LRMDA: variants seen among roughly 807,000 people sequenced by gnomAD.
LRMDA encodes leucine rich melanocyte differentiation associated.
LRMDA carries 18 observed loss-of-function variants against 29.8 expected under a neutral mutation model. The observed-to-expected ratio is 0.60, with a 90% CI of 0.42 to 0.90. LRMDA has a LOEUF of 0.90. Ranked by LOEUF, LRMDA falls within the 40% of genes least tolerant of loss-of-function variation. LRMDA has a pLI of 0.00. For missense variants in LRMDA, 273 were observed against 273.9 expected, an observed-to-expected ratio of 1.00 and a Z score of 0.02; for synonymous variants, 125 against 109.4, an observed-to-expected ratio of 1.14 and a Z score of -0.89.
intron 2 of LRMDA, among the ~76,000 whole-genome samples, chr10:75,531,575 G>T (rs901131130): frequency 6.6e-6 from 1 of 152,198 alleles, no homozygotes; most frequent in Non-Finnish European, 1.5e-5. Flanking sequence ...AAGCCTGGTT[G>T]TAAGTGCCAC....
intron 2 of LRMDA, among the ~76,000 whole-genome samples, chr10:75,969,121 TG>T (rs1184528709): frequency 6.6e-6 from 1 of 152,184 alleles, no homozygotes; most frequent in Admixed American, 6.5e-5. Context: ...CTTTTCTCTT[TG>T]CCTCTTGGGT....
chr10:75,494,205 A>G (rs1392343327), intron 2 of LRMDA, among the ~76,000 whole-genome samples: 2 of 152,146 alleles, frequency 1.3e-5, no homozygotes, highest in African/African-American at 2.4e-5. Context: ...GAACAGGTGA[A>G]TTTGCTTGAA....
chr10:76,462,074 A>C (rs948633738), intron 6 of LRMDA, among the ~76,000 whole-genome samples: 7 of 78,270 alleles, frequency 8.9e-5, no homozygotes, highest in African/African-American at 2.4e-4. Flanking sequence ...AAAAAAAAAA[A>C]AACCACACAC....
At chr10:75,762,188 G>A (rs12260072) in intron 2 of LRMDA, among the ~76,000 whole-genome samples, 5,781 of 152,158 alleles carry the variant, frequency 0.038, 277 homozygotes, top group African/African-American at 0.11. Flanking sequence ...AGTAACAAGC[G>A]GATTAGGCAT....
chr10:76,316,558 C>T (rs985984152), intron 5 of LRMDA, among the ~76,000 whole-genome samples: 33 of 152,324 alleles, frequency 2.2e-4, no homozygotes, highest in African/African-American at 7.9e-4. Context: ...AAAGGCGCCA[C>T]GGGCCACAGA....
intron 2 of LRMDA, among the ~76,000 whole-genome samples, chr10:75,732,164 G>A (rs954950895): frequency 5.9e-5 from 9 of 152,138 alleles, no homozygotes; most frequent in Non-Finnish European, 1.0e-4. Flanking sequence ...TGCATCAGGG[G>A]GATTTGCTGA....
chr10:76,040,779 G>C (rs1848327643), intron 3 of LRMDA, among the ~76,000 whole-genome samples: 1 of 151,892 alleles, frequency 6.6e-6, no homozygotes, highest in African/African-American at 2.4e-5. Flanking sequence ...CTTTTGGGGT[G>C]TGTGGGGGGC....
chr10:76,503,289 G>T lies in LRMDA; in HGVS notation c.602-53920G>T, dbSNP rs78336290. ...TAACTTTTTAATGTTGATTCACCAA[G>T]ATCAAGTAGAATTTATTCTGGAGCC... On this transcript the variant is annotated intron_variant, in intron 6 of 6. Transcript: ENST00000611255. Among the ~76,000 whole-genome samples the T allele has an allele frequency of 4.2e-3, 633 of 151,676 alleles. 8 individuals are homozygous for T. The highest frequency in any genetic ancestry group is 0.015 in the African/African-American group (614 of 41,474).
intron 4 of LRMDA, among the ~76,000 whole-genome samples, chr10:76,055,499 T>C (rs1252366939): frequency 6.6e-6 from 1 of 152,208 alleles, no homozygotes; most frequent in Non-Finnish European, 1.5e-5. Flanking sequence ...CTGTGACTGG[T>C]GGTTCCTTTG....
At chr10:76,052,588 C>G (rs937560429) in intron 4 of LRMDA, among the ~76,000 whole-genome samples, 2 of 152,184 alleles carry the variant, frequency 1.3e-5, no homozygotes, top group African/African-American at 4.8e-5. Context: ...GGTATTTCTC[C>G]TGTTCCTTTT....
At chr10:75,884,611 TTA>T (rs1845351993) in intron 2 of LRMDA, among the ~76,000 whole-genome samples, 1 of 152,162 alleles carries the variant, frequency 6.6e-6, no homozygotes, top group Non-Finnish European at 1.5e-5. Context: ...GACAGGAGAA[TTA>T]GAGTCTTCTG....
intron 2 of LRMDA, among the ~76,000 whole-genome samples, chr10:75,442,534 T>C (rs974947152): frequency 6.6e-6 from 1 of 152,222 alleles, no homozygotes; most frequent in African/African-American, 2.4e-5. Flanking sequence ...TTGTGTGTTC[T>C]TGACACCTTT....
chr10:75,831,726 A>T (rs1438743368), intron 2 of LRMDA, among the ~76,000 whole-genome samples: 1 of 152,180 alleles, frequency 6.6e-6, no homozygotes, highest in Non-Finnish European at 1.5e-5. Flanking sequence ...TTGCCTGGGC[A>T]TCCAGGCATT....
chr10:75,505,866 A>G (rs1234804872), intron 2 of LRMDA, among the ~76,000 whole-genome samples: 3 of 152,136 alleles, frequency 2.0e-5, no homozygotes, highest in Non-Finnish European at 2.9e-5. Context: ...TTAACTTTCC[A>G]AGTTACTATT....
At chr10:76,544,402 A>T (rs1476224363) in intron 6 of LRMDA, among the ~76,000 whole-genome samples, 1 of 152,146 alleles carries the variant, frequency 6.6e-6, no homozygotes, top group Non-Finnish European at 1.5e-5. Context: ...GGGACAGATA[A>T]CACCTGGTAC....
chr10:75,676,398 C>G (rs754299430), intron 2 of LRMDA, among the ~76,000 whole-genome samples: 12 of 152,162 alleles, frequency 7.9e-5, no homozygotes, highest in Non-Finnish European at 1.6e-4. Flanking sequence ...TTTTACAATT[C>G]TAGCATTTTT....
intron 2 of LRMDA, among the ~76,000 whole-genome samples, chr10:75,510,288 G>T (rs1845211812): frequency 1.3e-5 from 2 of 152,178 alleles, no homozygotes; most frequent in South Asian, 4.1e-4. Flanking sequence ...AAGGAAAAAA[G>T]ATTTGGAAGA....
intron 5 of LRMDA, among the ~76,000 whole-genome samples, chr10:76,322,715 A>C (rs1166316620): frequency 6.6e-6 from 1 of 152,176 alleles, no homozygotes; most frequent in Non-Finnish European, 1.5e-5. Context: ...TACACAACAA[A>C]CTAAAACTCA....
intron 2 of LRMDA, among the ~76,000 whole-genome samples, chr10:75,768,778 A>C (rs1188768356): frequency 1.3e-5 from 2 of 152,240 alleles, no homozygotes; most frequent in East Asian, 3.8e-4. Flanking sequence ...GTTATATAGT[A>C]CAATGGGATT....
Sources: gnomAD v4.1 joint callset for allele counts (sites outside exome capture counted in the v4.1 genomes callset) on GRCh38, gnomAD v4.1.1 for gene constraint, MANE v1.5 for transcripts, NCBI Gene and HGNC (gene_info 2026-07-23, HGNC 2026-07-21) for gene names.